AGR3: variants seen among roughly 807,000 people sequenced by gnomAD.
AGR3 encodes anterior gradient protein 3.
Under a neutral mutation model 24.5 loss-of-function variants are expected in AGR3, and 37 were observed. The ratio of observed to expected loss-of-function variants is 1.51; its 90% CI spans 1.16 to 1.99. The LOEUF is 1.99. Ranked by LOEUF, AGR3 falls within the 30% of genes most tolerant of loss-of-function variation. The pLI, the probability that AGR3 is intolerant of heterozygous loss-of-function variation, is 0.00. For missense variants in AGR3, 228 were observed against 191.1 expected (o/e 1.19, Z -1.14); for synonymous variants, 75 against 61.6 (o/e 1.22, Z -1.02).
chr7:16,860,552 A>G lies in AGR3; in HGVS notation c.399T>C (p.Ala133=). ...TGTACAATCTGTTAGAGTATCTTCCAGCTATGTCAGCTCTAACTGTTAAAG... is the reference window on the plus strand; with the variant it reads ...TGTACAATCTGTTAGAGTATCTTCCGGCTATGTCAGCTCTAACTGTTAAAG... The part of the protein sequence containing the change: ...DPSLTVRADI[A]GRYSNRLYTY... Residue 133 remains alanine (A), a synonymous_variant, in exon 7 of 8, where the codon GCT becomes GCC. Transcript: ENST00000310398. 1 of 1,613,888 alleles carries G rather than the reference A, an allele frequency of 6.2e-7. No individual in the cohort carries two copies. Among genetic ancestry groups the G allele is most frequent in the Non-Finnish European group, 8.5e-7 (1 of 1,179,824 alleles).
chr7:16,861,300 C>T, intron 6 of AGR3, 84 bp downstream of exon 6: 3 of 1,067,068 alleles, frequency 2.8e-6, no homozygotes, highest in Non-Finnish European at 4.0e-6. Flanking sequence ...AAGAATAGTA[C>T]TTGAACTAGC....
chr7:16,876,237 C>T (rs897225986), intron 2 of AGR3, among the ~76,000 whole-genome samples: 1 of 152,176 alleles, frequency 6.6e-6, no homozygotes, highest in Non-Finnish European at 1.5e-5. Flanking sequence ...AAATGCACTT[C>T]ATGGCTTCTG....
chr7:16,869,859 T>C (rs1386670193), intron 3 of AGR3, among the ~76,000 whole-genome samples: 1 of 151,898 alleles, frequency 6.6e-6, no homozygotes, highest in African/African-American at 2.4e-5. Context: ...AAATGTTTAA[T>C]AATGATTAAG....
intron 2 of AGR3, among the ~76,000 whole-genome samples, chr7:16,875,310 T>C (rs1028346270): frequency 6.6e-6 from 1 of 152,116 alleles, no homozygotes; most frequent in African/African-American, 2.4e-5. Flanking sequence ...ACTTTCTGTC[T>C]CTATAGATTT....
downstream of AGR3, among the ~76,000 whole-genome samples, chr7:16,855,527 C>G (rs1366643072): frequency 6.6e-6 from 1 of 152,164 alleles, no homozygotes; most frequent in East Asian, 1.9e-4. Flanking sequence ...TGTCGCCCTC[C>G]TAACACTCAC....
At chr7:16,859,770 T>G in intron 7 of AGR3, 139 bp from the exon 8 acceptor site, 1 of 549,264 alleles carries the variant, frequency 1.8e-6, no homozygotes, top group East Asian at 3.1e-5. Flanking sequence ...CATTAAAGAA[T>G]ATGCTAAAAG....
chr7:16,874,222 G>A (rs745374844), intron 2 of AGR3, among the ~76,000 whole-genome samples: 31 of 152,052 alleles, frequency 2.0e-4, no homozygotes, highest in Admixed American at 3.9e-4. Context: ...GAATCCTTTC[G>A]GCTGTACTCT....
Position 16,865,016 on chromosome 7 carries a change from G to A in AGR3, c.174-2354C>T. On this transcript the variant is annotated intron_variant, in intron 3 of 7. Transcript: ENST00000310398. Reference sequence around the variant, plus strand: ...TCTACTACCTCCTCAGGTTCAACAAGTATGTATCCTGTTCATATTCTGATA... The same window carrying A: ...TCTACTACCTCCTCAGGTTCAACAAATATGTATCCTGTTCATATTCTGATA... 5.8e-6 allele frequency: 5 copies of A among 855,644 alleles called. No individual in the cohort carries two copies. The Middle Eastern group carries it at 1.1e-3, about 190-fold the overall frequency. 53.0% of individuals were successfully genotyped at this position (855,644 alleles called of 1,614,324 possible). A position where few individuals can be genotyped will look rare whatever the true frequency, so the allele number is the denominator to read the frequency against.
At chr7:16,854,742 G>A (rs1325652335), downstream of AGR3, among the ~76,000 whole-genome samples, 2 of 152,204 alleles carry the variant, frequency 1.3e-5, no homozygotes, top group East Asian at 1.9e-4. Flanking sequence ...AGATCAAGGT[G>A]TTGGCAGGGT....
rs530888478 is a variant in AGR3 at position 16,866,514 on chromosome 7, G to C, written c.174-3852C>G. Reference sequence around the variant, plus strand: ...AGAAGTAGAATTTCTGAGTCAGAGTGTGTGCATTTATAATTCTGATATATA... The same window carrying C: ...AGAAGTAGAATTTCTGAGTCAGAGTCTGTGCATTTATAATTCTGATATATA... On this transcript the variant is annotated intron_variant, in intron 3 of 7. Coordinates refer to ENST00000310398, the MANE Select transcript of AGR3 (RefSeq NM_176813.5). Among the ~76,000 whole-genome samples the C allele has an allele frequency of 2.6e-5, 4 of 152,258 alleles. No homozygotes were observed. In the South Asian group the frequency reaches 6.2e-4, roughly 24 times the overall value.
chr7:16,860,813 G>A lies in AGR3; in HGVS notation c.368-230C>T, dbSNP rs370511797. On this transcript the variant is annotated intron_variant, in intron 6 of 7. Coordinates refer to ENST00000310398, the MANE Select transcript of AGR3 (RefSeq NM_176813.5). ...CTTTGGCTCCCTCCCTCCTTCCCCC[G>A]TTTTGGAGTTCCTATTGTCTATTTT... Among the ~76,000 whole-genome samples, 12 of 151,968 alleles carry A rather than the reference G, an allele frequency of 7.9e-5. No homozygotes were observed. In the East Asian group the frequency reaches 9.6e-4, roughly 12 times the overall value.
At chr7:16,864,198 C>T in intron 3 of AGR3, 1 of 945,646 alleles carries the variant, frequency 1.1e-6, no homozygotes, top group Non-Finnish European at 1.6e-6. Context: ...ATTAACTCTG[C>T]TGAAGTACCA....
At chr7:16,875,873 C>T (rs1781977707) in intron 2 of AGR3, among the ~76,000 whole-genome samples, 1 of 152,196 alleles carries the variant, frequency 6.6e-6, no homozygotes. Context: ...TGGTTGAACA[C>T]ATGCAATATC....
At chr7:16,862,093 T>C in intron 4 of AGR3, 33 bp from the exon 5 acceptor site, 1 of 1,527,914 alleles carries the variant, frequency 6.5e-7, no homozygotes, top group South Asian at 1.1e-5. Context: ...CAGTTAGTTT[T>C]AAGGATCAAG....
At chr7:16,862,325 C>T (rs866061545) in intron 4 of AGR3, among the ~76,000 whole-genome samples, 10 of 152,146 alleles carry the variant, frequency 6.6e-5, no homozygotes, top group Admixed American at 2.0e-4. Flanking sequence ...GTTAAGACAA[C>T]GACTTTTTTT....
downstream of AGR3, among the ~76,000 whole-genome samples, chr7:16,855,577 T>C (rs530603994): frequency 1.3e-4 from 20 of 152,284 alleles, no homozygotes; most frequent in Non-Finnish European, 2.4e-4. Flanking sequence ...CATGGGTGTG[T>C]GAAAGAGAAG....
At chr7:16,856,980 T>G (rs1157092148), downstream of AGR3, among the ~76,000 whole-genome samples, 1 of 151,430 alleles carries the variant, frequency 6.6e-6, no homozygotes, top group African/African-American at 2.4e-5. Context: ...AGAAAGGTTT[T>G]TTTTTTTTTT....
downstream of AGR3, among the ~76,000 whole-genome samples, chr7:16,855,457 G>A (rs1781543823): frequency 1.3e-5 from 2 of 152,050 alleles, no homozygotes; most frequent in Admixed American, 1.3e-4. Context: ...CTGAATCACT[G>A]CTAATACCAG....
downstream of AGR3, among the ~76,000 whole-genome samples, chr7:16,855,276 G>A (rs1266394876): frequency 6.6e-6 from 1 of 152,050 alleles, no homozygotes; most frequent in Non-Finnish European, 1.5e-5. Context: ...AGATACTGAG[G>A]GATAGGACTT....
Sources: gnomAD v4.1 joint callset for allele counts (sites outside exome capture counted in the v4.1 genomes callset) on GRCh38, gnomAD v4.1.1 for gene constraint, MANE v1.5 for transcripts, NCBI Gene and HGNC (gene_info 2026-07-23, HGNC 2026-07-21) for gene names.